Variants in RPS6KC1 observed in about 807,000 individuals in gnomAD.
RPS6KC1 encodes the protein inactive ribosomal protein S6 kinase delta-1.
Under a neutral mutation model 103.8 loss-of-function variants are expected in RPS6KC1, and 54 were observed. The ratio of observed to expected loss-of-function variants is 0.52; its 90% CI spans 0.42 to 0.65. The LOEUF (loss-of-function observed/expected upper bound fraction) is 0.65, where lower values mean the gene tolerates loss of function less well. Ranked by LOEUF, RPS6KC1 falls within the 30% of genes least tolerant of loss-of-function variation. RPS6KC1 has a pLI of 0.00. For missense variants in RPS6KC1, 1,151 were observed against 1,253.8 expected, an observed-to-expected ratio of 0.92 and a Z score of 1.24; for synonymous variants, 439 against 438.7, an observed-to-expected ratio of 1.00 and a Z score of -0.01.
the RPS6KC1 span, among the ~76,000 whole-genome samples, chr1:213,450,647 G>A: frequency 2.6e-5 from 4 of 152,060 alleles, no homozygotes; most frequent in African/African-American, 9.7e-5. Context: ...TCCTTATTTT[G>A]TGGAACTCAT....
chr1:213,360,083 C>T, the RPS6KC1 span, among the ~76,000 whole-genome samples: 14 of 152,084 alleles, frequency 9.2e-5, no homozygotes, highest in Admixed American at 4.6e-4. Context: ...CTCTGTATTT[C>T]GTGAATTTGA....
At chr1:213,383,377 G>A in the RPS6KC1 span, among the ~76,000 whole-genome samples, 10 of 152,140 alleles carry the variant, frequency 6.6e-5, no homozygotes, top group Admixed American at 3.9e-4. Context: ...CACAGCCCTC[G>A]AGGGGCTCTT....
At chr1:213,743,928 C>G in the RPS6KC1 span, among the ~76,000 whole-genome samples, 1 of 152,096 alleles carries the variant, frequency 6.6e-6, no homozygotes, top group Non-Finnish European at 1.5e-5. Context: ...TATGTATACA[C>G]CATGGAATAC....
the RPS6KC1 span, among the ~76,000 whole-genome samples, chr1:213,378,729 T>C: frequency 6.6e-6 from 1 of 152,318 alleles, no homozygotes; most frequent in Admixed American, 6.5e-5. Context: ...TTTGTTTCCT[T>C]TAGAGCTGAG....
intron 8 of RPS6KC1, among the ~76,000 whole-genome samples, chr1:213,211,539 GAC>G (rs2093506555): frequency 1.3e-5 from 2 of 152,256 alleles, no homozygotes; most frequent in Admixed American, 1.3e-4. Context: ...TCCTTACAAA[GAC>G]ACACCATTGT....
At chr1:213,281,974 C>T in the RPS6KC1 span, among the ~76,000 whole-genome samples, 6 of 152,180 alleles carry the variant, frequency 3.9e-5, no homozygotes, top group South Asian at 1.0e-3. Context: ...CCCCTTGCTC[C>T]GTCTCTTTCT....
At chr1:213,418,402 A>C in the RPS6KC1 span, among the ~76,000 whole-genome samples, 3 of 152,046 alleles carry the variant, frequency 2.0e-5, no homozygotes, top group African/African-American at 7.2e-5. Flanking sequence ...TTTGGGGACC[A>C]AGGGTGAGGT....
chr1:213,596,912 C>A, the RPS6KC1 span, among the ~76,000 whole-genome samples: 8 of 152,318 alleles, frequency 5.3e-5, no homozygotes, highest in South Asian at 6.2e-4. Flanking sequence ...TTGTACCCTA[C>A]CTCTGTGAGC....
chr1:213,688,468 T>C, the RPS6KC1 span, among the ~76,000 whole-genome samples: 3 of 152,216 alleles, frequency 2.0e-5, no homozygotes. Context: ...CTTCTGAACA[T>C]GGCCGGATCA....
the RPS6KC1 span, among the ~76,000 whole-genome samples, chr1:213,502,086 A>G: frequency 5.9e-5 from 9 of 152,180 alleles, no homozygotes; most frequent in African/African-American, 2.2e-4. Context: ...AATACCTAAG[A>G]GGCATGCTAG....
the RPS6KC1 span, among the ~76,000 whole-genome samples, chr1:213,729,124 G>C: frequency 6.6e-6 from 1 of 151,896 alleles, no homozygotes; most frequent in Non-Finnish European, 1.5e-5. Flanking sequence ...AATAGTGAAC[G>C]GACAATTCAA....
intron 8 of RPS6KC1, among the ~76,000 whole-genome samples, chr1:213,217,946 C>T (rs2093713213): frequency 6.6e-6 from 1 of 152,132 alleles, no homozygotes; most frequent in South Asian, 2.1e-4. Flanking sequence ...GGAAGCATTC[C>T]CTTTGAAAAC....
At chr1:213,525,467 C>G in the RPS6KC1 span, among the ~76,000 whole-genome samples, 5 of 151,954 alleles carry the variant, frequency 3.3e-5, no homozygotes, top group African/African-American at 1.2e-4. Context: ...ATGTAAAAGT[C>G]TGGAGTTTAA....
At chr1:213,445,489 T>A in the RPS6KC1 span, among the ~76,000 whole-genome samples, 6 of 152,186 alleles carry the variant, frequency 3.9e-5, no homozygotes, top group Non-Finnish European at 7.3e-5. Flanking sequence ...ACCTTATTTA[T>A]CTTTTCAGTG....
the RPS6KC1 span, among the ~76,000 whole-genome samples, chr1:213,338,304 T>C: frequency 6.6e-6 from 1 of 152,222 alleles, no homozygotes; most frequent in Non-Finnish European, 1.5e-5. Flanking sequence ...TCCCTCCTGC[T>C]CTTGGCTTCT....
At chr1:213,558,316 C>T in the RPS6KC1 span, among the ~76,000 whole-genome samples, 2 of 152,328 alleles carry the variant, frequency 1.3e-5, no homozygotes, top group Admixed American at 6.5e-5. Flanking sequence ...CCTGCTCACG[C>T]TCACTCAGCC....
intron 12 of RPS6KC1, among the ~76,000 whole-genome samples, chr1:213,243,123 G>A (rs1273173698): frequency 6.6e-6 from 1 of 151,952 alleles, no homozygotes; most frequent in African/African-American, 2.4e-5. Context: ...CAGCTTCTGA[G>A]TAGCTGGGAC....
the RPS6KC1 span, among the ~76,000 whole-genome samples, chr1:213,540,443 A>C: frequency 6.6e-6 from 1 of 152,174 alleles, no homozygotes; most frequent in Non-Finnish European, 1.5e-5. Flanking sequence ...TCCTGGGCTC[A>C]AGTGATCTTC....
At chr1:213,556,174 A>G in the RPS6KC1 span, among the ~76,000 whole-genome samples, 1 of 152,186 alleles carries the variant, frequency 6.6e-6, no homozygotes, top group African/African-American at 2.4e-5. Flanking sequence ...TTGAGTTGGG[A>G]TTTTAAGACA....
Sources: gnomAD v4.1 joint callset for allele counts (sites outside exome capture counted in the v4.1 genomes callset) on GRCh38, gnomAD v4.1.1 for gene constraint, MANE v1.5 for transcripts, NCBI Gene and HGNC (gene_info 2026-07-23, HGNC 2026-07-21) for gene names.